FANCC: variants seen among roughly 807,000 people sequenced by gnomAD.
FANCC encodes the protein Fanconi anemia group C protein.
Under a neutral mutation model 71.3 loss-of-function variants are expected in FANCC, and 55 were observed. The ratio of observed to expected loss-of-function variants is 0.77; its 90% CI spans 0.62 to 0.97. FANCC has a LOEUF of 0.97. Among genes scored for constraint, FANCC ranks in the 50% least tolerant of loss-of-function variants. The probability of loss-of-function intolerance (pLI) is 0.00; values close to 1 mark genes in which losing one functional copy is unlikely to be tolerated. For synonymous variants in FANCC, 275 were observed against 244.9 expected (o/e 1.12, Z -1.15); for missense variants, 678 against 670.9 (o/e 1.01, Z -0.12).
intron 4 of FANCC, among the ~76,000 whole-genome samples, chr9:95,182,773 C>T (rs1195253455): frequency 4.6e-5 from 7 of 152,006 alleles, no homozygotes; most frequent in Admixed American, 3.9e-4. Flanking sequence ...TTCTGGGGTA[C>T]TTCCAGAGAC....
intron 1 of FANCC, among the ~76,000 whole-genome samples, chr9:95,276,252 A>G (rs1032223399): frequency 2.6e-5 from 4 of 152,056 alleles, no homozygotes. Context: ...TCTCACATTC[A>G]AGACATGAAG....
rs908769148 is a variant in FANCC at position 95,100,942 on chromosome 9, T to C, written c.*765A>G. The C allele has an allele frequency of 4.3e-6, 1 of 233,098 alleles. No individual in the cohort carries two copies. The highest frequency in any genetic ancestry group is 8.5e-6 in the Non-Finnish European group (1 of 118,016). The allele number at this position is 233,098 out of a possible 1,614,324, so 14.4% of individuals were successfully genotyped here. On this transcript the variant is annotated 3_prime_UTR_variant, in exon 15 of 15. Transcript: ENST00000289081. ...ACTGCACCCAGCCAGGCCAATTCTT[T>C]ATCAGGAATTTCCAATTCCCATTTC...
At chr9:95,198,924 G>A (rs557547331) in intron 4 of FANCC, among the ~76,000 whole-genome samples, 1 of 152,180 alleles carries the variant, frequency 6.6e-6, no homozygotes, top group African/African-American at 2.4e-5. Context: ...TTTTTTTGTA[G>A]AGCCAGGGTG....
At chr9:95,155,555 T>C (rs1211879410) in intron 6 of FANCC, among the ~76,000 whole-genome samples, 6 of 152,114 alleles carry the variant, frequency 3.9e-5, no homozygotes, top group African/African-American at 1.4e-4. Context: ...CTTCCCATTA[T>C]TTGATTCTAC....
At chr9:95,199,139 C>T (rs946019182) in intron 4 of FANCC, among the ~76,000 whole-genome samples, 10 of 152,134 alleles carry the variant, frequency 6.6e-5, no homozygotes, top group African/African-American at 2.4e-4. Flanking sequence ...TTATTAAAAA[C>T]CGGTGTTGGA....
chr9:95,234,009 G>A (rs1044443509), intron 4 of FANCC, among the ~76,000 whole-genome samples: 1 of 152,172 alleles, frequency 6.6e-6, no homozygotes, highest in South Asian at 2.1e-4. Flanking sequence ...CATGTGACCA[G>A]TAAGGAAGGT....
At chr9:95,252,606 C>T (rs948328520) in intron 1 of FANCC, among the ~76,000 whole-genome samples, 4 of 151,584 alleles carry the variant, frequency 2.6e-5, no homozygotes, top group Non-Finnish European at 4.4e-5. Context: ...ATTAGCCAGG[C>T]GTGGTGGTGG....
chr9:95,152,716 G>T (rs189513759), intron 6 of FANCC, among the ~76,000 whole-genome samples: 5 of 152,214 alleles, frequency 3.3e-5, no homozygotes, highest in Admixed American at 3.3e-4. Flanking sequence ...GGTAAATTCT[G>T]AGATTTTAAT....
intron 1 of FANCC, among the ~76,000 whole-genome samples, chr9:95,277,796 G>T (rs1349353093): frequency 6.6e-6 from 1 of 152,064 alleles, no homozygotes; most frequent in African/African-American, 2.4e-5. Flanking sequence ...TGTCAACCAA[G>T]AATCCCATAT....
chr9:95,110,384 C>T (rs995893903), intron 13 of FANCC: 8 of 1,022,892 alleles, frequency 7.8e-6, no homozygotes, highest in African/African-American at 6.8e-5. Flanking sequence ...ATATGTGCCC[C>T]GTACATCTTA....
intron 10 of FANCC, among the ~76,000 whole-genome samples, chr9:95,119,143 T>C (rs2072663701): frequency 6.6e-6 from 1 of 152,228 alleles, no homozygotes; most frequent in Non-Finnish European, 1.5e-5. Flanking sequence ...ACTTTCCTGA[T>C]GGCAAATGAC....
At chr9:95,158,747 C>G (rs1263739072) in intron 6 of FANCC, among the ~76,000 whole-genome samples, 1 of 152,136 alleles carries the variant, frequency 6.6e-6, no homozygotes, top group Non-Finnish European at 1.5e-5. Flanking sequence ...TATGTCTGGA[C>G]AGATGTTTTT....
chr9:95,271,653 A>G (rs1281024050), intron 1 of FANCC, among the ~76,000 whole-genome samples: 1 of 152,182 alleles, frequency 6.6e-6, no homozygotes, highest in Non-Finnish European at 1.5e-5. Flanking sequence ...CGGGAAACTA[A>G]TATCGCATCC....
intron 1 of FANCC, among the ~76,000 whole-genome samples, chr9:95,295,352 AAAC>A (rs1482762559): frequency 2.0e-5 from 3 of 152,170 alleles, no homozygotes; most frequent in Admixed American, 6.5e-5. Context: ...TACCAAAACA[AAAC>A]AAAAAACAAA....
chr9:95,302,304 C>T (rs1834795340), intron 1 of FANCC, among the ~76,000 whole-genome samples: 1 of 152,052 alleles, frequency 6.6e-6, no homozygotes, highest in South Asian at 2.1e-4. Context: ...TAAAGAAAAA[C>T]GGAAAGGTCT....
intron 13 of FANCC, chr9:95,110,645 T>A (rs1218312920): frequency 1.9e-6 from 2 of 1,045,944 alleles, no homozygotes; most frequent in African/African-American, 3.3e-5. Flanking sequence ...TCTTTATTAG[T>A]CTGTGTGTTT....
chr9:95,140,585 G>A (rs966436640), intron 7 of FANCC, among the ~76,000 whole-genome samples: 5 of 152,156 alleles, frequency 3.3e-5, no homozygotes, highest in African/African-American at 1.2e-4. Flanking sequence ...AGCTGTCTGA[G>A]CAGTAGAGGG....
intron 7 of FANCC, among the ~76,000 whole-genome samples, chr9:95,141,959 A>ATAGTAATATGT (rs1295878774): frequency 6.7e-6 from 1 of 149,926 alleles, no homozygotes; most frequent in Non-Finnish European, 1.5e-5. Context: ...AATAATGGTA[A>ATAGTAATATGT]TAGTAATATG....
At chr9:95,180,641 C>CT (rs999685824) in intron 4 of FANCC, among the ~76,000 whole-genome samples, 1,508 of 144,342 alleles carry the variant, frequency 0.01, 22 homozygotes, top group African/African-American at 0.034. Context: ...ATCTGGCCAA[C>CT]TTTTTTTTTT....
Sources: gnomAD v4.1 joint callset for allele counts (sites outside exome capture counted in the v4.1 genomes callset) on GRCh38, gnomAD v4.1.1 for gene constraint, MANE v1.5 for transcripts, NCBI Gene and HGNC (gene_info 2026-07-23, HGNC 2026-07-21) for gene names.